Variants in RGS7 observed in about 807,000 individuals in gnomAD.
RGS7 encodes the protein regulator of G-protein signaling 7.
Under a neutral mutation model 81.1 loss-of-function variants are expected in RGS7, and 27 were observed. The ratio of observed to expected loss-of-function variants is 0.33; its 90% CI spans 0.25 to 0.46. The LOEUF is 0.46. RGS7 is among the 20% of genes least tolerant of loss of function. The pLI is 1.00. For synonymous variants in RGS7, 208 were observed against 207.7 expected (o/e 1.00, Z -0.01); for missense variants, 396 against 607.4 (o/e 0.65, Z 3.66).
intron 4 of RGS7, among the ~76,000 whole-genome samples, chr1:240,947,373 G>C (rs1049498266): frequency 1.3e-5 from 2 of 152,086 alleles, no homozygotes; most frequent in Non-Finnish European, 2.9e-5. Context: ...CGTGAATATT[G>C]AATAAACATC....
intron 2 of RGS7, among the ~76,000 whole-genome samples, chr1:241,239,075 T>A (rs935941327): frequency 1.3e-5 from 2 of 151,148 alleles, no homozygotes; most frequent in African/African-American, 4.9e-5. Context: ...TTCAAGCTAT[T>A]CTCCTGCCTC....
At chr1:240,998,241 T>C (rs1464944574) in intron 3 of RGS7, among the ~76,000 whole-genome samples, 2 of 152,202 alleles carry the variant, frequency 1.3e-5, no homozygotes, top group African/African-American at 4.8e-5. Flanking sequence ...GATGTTTGTT[T>C]TGTGGTTGTC....
intron 2 of RGS7, among the ~76,000 whole-genome samples, chr1:241,127,575 G>T (rs1394023067): frequency 6.6e-6 from 1 of 152,042 alleles, no homozygotes; most frequent in Non-Finnish European, 1.5e-5. Context: ...ATAGCGTTAG[G>T]AGATATACCT....
At chr1:240,972,552 G>T (rs1186511308) in intron 4 of RGS7, among the ~76,000 whole-genome samples, 2 of 97,214 alleles carry the variant, frequency 2.1e-5, no homozygotes, top group African/African-American at 7.9e-5. Context: ...GTGGTGGGGT[G>T]GGGGGAGGGG....
intron 2 of RGS7, among the ~76,000 whole-genome samples, chr1:241,224,213 A>G (rs1490612399): frequency 6.6e-6 from 1 of 152,076 alleles, no homozygotes; most frequent in African/African-American, 2.4e-5. Flanking sequence ...CGTCACCTAC[A>G]TTAAATAATT....
chr1:241,287,732 C>A (rs180932553), intron 2 of RGS7, among the ~76,000 whole-genome samples: 1 of 143,186 alleles, frequency 7.0e-6, no homozygotes, highest in African/African-American at 2.5e-5. Context: ...CACACACACA[C>A]ATTCAAACAC....
At chr1:240,784,660 T>A (rs1196572671) in intron 18 of RGS7, among the ~76,000 whole-genome samples, 1 of 143,530 alleles carries the variant, frequency 7.0e-6, no homozygotes, top group East Asian at 2.0e-4. Flanking sequence ...AAAAAAAGAT[T>A]TTTTTTTTTT....
At chr1:240,925,948 T>C (rs1674370278) in intron 6 of RGS7, among the ~76,000 whole-genome samples, 2 of 152,204 alleles carry the variant, frequency 1.3e-5, no homozygotes, top group Admixed American at 1.3e-4. Flanking sequence ...TCTGCTCATG[T>C]CCCTTGCCCA....
intron 2 of RGS7, among the ~76,000 whole-genome samples, chr1:241,261,521 C>T (rs542459754): frequency 1.3e-5 from 2 of 149,460 alleles, no homozygotes; most frequent in Non-Finnish European, 3.0e-5. Context: ...CTCAGCTACT[C>T]GGGAGGCTGA....
In RGS7 at chr1:241,086,711, A is replaced by T. The variant is rs112720940; in HGVS notation, c.175+11955T>A. Among the ~76,000 whole-genome samples, 239 of 151,766 alleles carry T rather than the reference A, an allele frequency of 1.6e-3. 1 individual carries two copies. Among genetic ancestry groups the T allele is most frequent in the African/African-American group, 5.5e-3 (227 of 41,404 alleles). On this transcript the variant is annotated intron_variant, in intron 3 of 18. Coordinates refer to ENST00000440928, the MANE Select transcript of RGS7 (RefSeq NM_001364886.1). Reference sequence around the variant, plus strand: ...TCAATGGCTCTTTACTCTTTTCAGGATGAAATTTGAACTCCTCCAGATTCT... The same window carrying T: ...TCAATGGCTCTTTACTCTTTTCAGGTTGAAATTTGAACTCCTCCAGATTCT...
At chr1:240,902,046 C>A (rs566912904) in intron 6 of RGS7, among the ~76,000 whole-genome samples, 3 of 152,252 alleles carry the variant, frequency 2.0e-5, no homozygotes, top group Non-Finnish European at 2.9e-5. Flanking sequence ...AGATTTTATT[C>A]ATCAGAAAGG....
intron 2 of RGS7, among the ~76,000 whole-genome samples, chr1:241,284,149 G>A (rs1229004792): frequency 6.6e-6 from 1 of 152,022 alleles, no homozygotes; most frequent in Non-Finnish European, 1.5e-5. Flanking sequence ...TCTATTGATG[G>A]TCTTTTCTCA....
chr1:241,121,948 C>T lies in RGS7; in HGVS notation c.79-23186G>A, dbSNP rs946228322. Among the ~76,000 whole-genome samples, 8 of 152,230 alleles carry T rather than the reference C, an allele frequency of 5.3e-5. No homozygotes were observed. In the East Asian group the frequency reaches 1.5e-3, roughly 29 times the overall value. On this transcript the variant is annotated intron_variant, in intron 2 of 18. Coordinates refer to ENST00000440928, the MANE Select transcript of RGS7 (RefSeq NM_001364886.1). Reference sequence around the variant, plus strand: ...CAAATTCCCGAGCTTACGCATTTCTCCCGTCTTAGCCTCCCAAAATGCTGG... The same window carrying T: ...CAAATTCCCGAGCTTACGCATTTCTTCCGTCTTAGCCTCCCAAAATGCTGG...
At chr1:240,861,263 A>C (rs1251673838) in intron 9 of RGS7, among the ~76,000 whole-genome samples, 1 of 152,184 alleles carries the variant, frequency 6.6e-6, no homozygotes, top group East Asian at 1.9e-4. Context: ...TTCTATATTG[A>C]ACATTCTGAT....
intron 4 of RGS7, among the ~76,000 whole-genome samples, chr1:240,962,831 A>T (rs1681683550): frequency 6.6e-6 from 1 of 152,204 alleles, no homozygotes; most frequent in South Asian, 2.1e-4. Flanking sequence ...AACCACTATC[A>T]GTTGGGTGGC....
intron 2 of RGS7, among the ~76,000 whole-genome samples, chr1:241,324,006 C>T (rs185446089): frequency 6.6e-6 from 1 of 152,254 alleles, no homozygotes; most frequent in Admixed American, 6.5e-5. Flanking sequence ...TCCAATTTAT[C>T]ATGTTTAAAA....
chr1:241,134,908 C>T lies in RGS7; in HGVS notation c.79-36146G>A, dbSNP rs754387543. Among the ~76,000 whole-genome samples, 204 of 152,096 alleles carry T rather than the reference C, an allele frequency of 1.3e-3. 7 individuals carry two copies. The highest frequency in any genetic ancestry group is 3.8e-4 in the Non-Finnish European group (26 of 68,018). On this transcript the variant is annotated intron_variant, in intron 2 of 18. Coordinates refer to ENST00000440928, the MANE Select transcript of RGS7 (RefSeq NM_001364886.1). ...GGTCAGCAAGACAGCGGAAGCAGGACGACAGCCGGCCGGAAGACACCTACC... is the reference window on the plus strand; with the variant it reads ...GGTCAGCAAGACAGCGGAAGCAGGATGACAGCCGGCCGGAAGACACCTACC...
At chr1:240,981,951 G>T (rs1399831852) in intron 4 of RGS7, among the ~76,000 whole-genome samples, 1 of 152,152 alleles carries the variant, frequency 6.6e-6, no homozygotes, top group East Asian at 1.9e-4. Context: ...TCGATAGAAG[G>T]GTGTGTTACA....
chr1:241,183,204 A>G (rs553529008), intron 2 of RGS7, among the ~76,000 whole-genome samples: 1 of 152,348 alleles, frequency 6.6e-6, no homozygotes, highest in South Asian at 2.1e-4. Flanking sequence ...AACTTCGTTC[A>G]TGTGGTAAGA....
Sources: gnomAD v4.1 joint callset for allele counts (sites outside exome capture counted in the v4.1 genomes callset) on GRCh38, gnomAD v4.1.1 for gene constraint, MANE v1.5 for transcripts, NCBI Gene and HGNC (gene_info 2026-07-23, HGNC 2026-07-21) for gene names.